The following DNER variants were observed in gnomAD, a reference collection of about 807,000 sequenced individuals.
The protein encoded by DNER is delta and Notch-like epidermal growth factor-related receptor.
A neutral mutation model predicts 78.2 loss-of-function variants in DNER; 33 were observed. The ratio of observed to expected loss-of-function variants is 0.42; its 90% CI spans 0.32 to 0.56. The LOEUF is 0.56. Ranked by LOEUF, DNER falls within the 20% of genes least tolerant of loss-of-function variation. The probability of loss-of-function intolerance (pLI) is 0.11; values close to 1 mark genes in which losing one functional copy is unlikely to be tolerated. For synonymous variants in DNER, 417 were observed against 384.8 expected, an observed-to-expected ratio of 1.08 and a Z score of -0.98; for missense variants, 918 against 975.3, an observed-to-expected ratio of 0.94 and a Z score of 0.78.
At chr2:229,483,151 A>T (rs887371461) in intron 6 of DNER, among the ~76,000 whole-genome samples, 4 of 152,190 alleles carry the variant, frequency 2.6e-5, no homozygotes, top group Non-Finnish European at 1.5e-5. Context: ...TGATATGAGA[A>T]GAATCACCCT....
intron 4 of DNER, among the ~76,000 whole-genome samples, chr2:229,578,008 A>G (rs1697332120): frequency 6.6e-6 from 1 of 152,216 alleles, no homozygotes. Flanking sequence ...GTGAAATTCA[A>G]CTTAAGTGAA....
intron 1 of DNER, among the ~76,000 whole-genome samples, chr2:229,667,826 G>A (rs1699119701): frequency 6.6e-6 from 1 of 152,178 alleles, no homozygotes; most frequent in African/African-American, 2.4e-5. Context: ...ATAGTGGTAG[G>A]TTTGGACAAC....
chr2:229,462,778 G>A (rs760455595), intron 7 of DNER, among the ~76,000 whole-genome samples: 43 of 151,952 alleles, frequency 2.8e-4, no homozygotes, highest in Admixed American at 2.3e-3. Flanking sequence ...GGCTCTAAGC[G>A]CAGCTCACCA....
intron 7 of DNER, among the ~76,000 whole-genome samples, chr2:229,450,539 A>T (rs1439725168): frequency 2.0e-5 from 3 of 152,210 alleles, no homozygotes; most frequent in Non-Finnish European, 4.4e-5. Flanking sequence ...CCTAACTCTC[A>T]ATACCTCAGA....
chr2:229,649,490 T>C (rs1198135263), intron 1 of DNER, among the ~76,000 whole-genome samples: 2 of 152,192 alleles, frequency 1.3e-5, no homozygotes, highest in African/African-American at 2.4e-5. Flanking sequence ...GTTTCCAATT[T>C]CTATATTATA....
At position 229,657,060 on chromosome 2, in the gene DNER, A is replaced by G. The variant is rs936008219; in HGVS notation, c.276+57088T>C. ...CCTCTTAGCACATTTCAAGTAAACA[A>G]TACAGTATTACTAATGGTGGTCCCC... is the stretch of plus-strand genomic sequence containing the variant. On this transcript the variant is annotated intron_variant, in intron 1 of 12. Coordinates refer to ENST00000341772, the MANE Select transcript of DNER (RefSeq NM_139072.4). Among the ~76,000 whole-genome samples the G allele has an allele frequency of 5.3e-5, 8 of 151,918 alleles. No individual in the cohort carries two copies. In the South Asian group the frequency reaches 1.7e-3, roughly 32 times the overall value.
At chr2:229,570,617 T>G (rs1574908484) in intron 4 of DNER, among the ~76,000 whole-genome samples, 1 of 67,314 alleles carries the variant, frequency 1.5e-5, no homozygotes, top group South Asian at 7.9e-4. Flanking sequence ...AGAGCAAAAC[T>G]CCATCTCAAA....
intron 7 of DNER, among the ~76,000 whole-genome samples, chr2:229,457,776 G>GGA (rs1553606506): frequency 1.4e-5 from 2 of 141,066 alleles, no homozygotes; most frequent in African/African-American, 5.3e-5. Flanking sequence ...ACTTTATTTG[G>GGA]AAAAAAAAAA....
At chr2:229,654,432 T>A (rs1055261124) in intron 1 of DNER, among the ~76,000 whole-genome samples, 2 of 152,198 alleles carry the variant, frequency 1.3e-5, no homozygotes, top group Admixed American at 6.5e-5. Flanking sequence ...AAATCCATAT[T>A]TTAGGGAGAG....
In DNER at chr2:229,591,437, A is replaced by G. The variant is rs996628346; in HGVS notation, c.585+143T>C. On this transcript the variant is annotated intron_variant, in intron 2 of 12. Transcript: ENST00000341772. This position sits in a 1 kb window ranked among gnomAD's most constrained non-coding sequence, Gnocchi z 4.6. The stretch of plus-strand genomic sequence containing the variant: ...AAAACCATCGTACACACAAATGCAG[A>G]CAGGAATAAGTTTAGGGAGATATTT... The G allele has an allele frequency of 5.0e-6, 5 of 1,004,782 alleles. No individual in the cohort carries two copies. The highest frequency in any genetic ancestry group is 7.1e-6 in the Non-Finnish European group (5 of 705,196). The allele number at this position is 1,004,782 out of a possible 1,614,324, so 62.2% of individuals were successfully genotyped here.
chr2:229,592,712 C>G (rs901888599), intron 1 of DNER, among the ~76,000 whole-genome samples: 2 of 152,156 alleles, frequency 1.3e-5, no homozygotes, highest in Non-Finnish European at 2.9e-5. Flanking sequence ...AAAAAATCAC[C>G]TGCTCCTCTT....
chr2:229,654,852 A>G (rs528918953), intron 1 of DNER, among the ~76,000 whole-genome samples: 1 of 152,352 alleles, frequency 6.6e-6, no homozygotes, highest in East Asian at 1.9e-4. Flanking sequence ...ATTAATGAGC[A>G]CACTGACATG....
At position 229,455,705 on chromosome 2, in the gene DNER, T is replaced by A. The variant is rs368470122; in HGVS notation, c.1262-8165A>T. On this transcript the variant is annotated intron_variant, in intron 7 of 12. Transcript: ENST00000341772. ...GGAGGTAGGAGTGTCCCTGAGAACA[T>A]CTCTGTACAGGCTCGAAAGGACAAT... Among the ~76,000 whole-genome samples, 56 of 152,152 alleles carry A rather than the reference T, an allele frequency of 3.7e-4. 1 individual carries two copies. Among genetic ancestry groups the A allele is most frequent in the African/African-American group, 1.3e-3 (53 of 41,464 alleles).
At chr2:229,433,110 T>C (rs1196170207) in intron 8 of DNER, among the ~76,000 whole-genome samples, 3 of 152,150 alleles carry the variant, frequency 2.0e-5, no homozygotes, top group Admixed American at 6.5e-5. Context: ...TGACTAATTT[T>C]TGTAATTTTA....
intron 1 of DNER, among the ~76,000 whole-genome samples, chr2:229,684,142 ATG>A (rs1328839632): frequency 3.3e-5 from 2 of 61,328 alleles, no homozygotes; most frequent in South Asian, 6.2e-4. Flanking sequence ...GTGTCTGTGT[ATG>A]TGAGAGAGAG....
At chr2:229,495,363 C>T (rs774857027) in intron 6 of DNER, among the ~76,000 whole-genome samples, 2 of 152,134 alleles carry the variant, frequency 1.3e-5, no homozygotes, top group African/African-American at 2.4e-5. Context: ...GAGAAGTCCC[C>T]ATATCTATGG....
intron 1 of DNER, among the ~76,000 whole-genome samples, chr2:229,593,185 A>G (rs1284367355): frequency 6.6e-6 from 1 of 152,182 alleles, no homozygotes; most frequent in Non-Finnish European, 1.5e-5. Context: ...TATCAACTCA[A>G]AGTAAAATCC....
chr2:229,468,403 A>G (rs1160390364), intron 7 of DNER, among the ~76,000 whole-genome samples: 1 of 152,040 alleles, frequency 6.6e-6, no homozygotes, highest in Non-Finnish European at 1.5e-5. Context: ...CTATTGTAAA[A>G]CCTAACATCA....
chr2:229,394,188 A>C (rs915322401), intron 10 of DNER, among the ~76,000 whole-genome samples: 1 of 152,216 alleles, frequency 6.6e-6, no homozygotes, highest in Admixed American at 6.5e-5. Context: ...TTCCTTGTAC[A>C]AGAACAGATA....
Sources: gnomAD v4.1 joint callset for allele counts (sites outside exome capture counted in the v4.1 genomes callset) on GRCh38, gnomAD v4.1.1 for gene constraint, Gnocchi (gnomAD v3.1) non-coding constraint, MANE v1.5 for transcripts, NCBI Gene and HGNC (gene_info 2026-07-23, HGNC 2026-07-21) for gene names.